Variants in ZBTB17 observed in about 807,000 individuals in gnomAD.
The protein encoded by ZBTB17 is zinc finger and BTB domain-containing protein 17.
ZBTB17 carries 24 observed loss-of-function variants against 85.1 expected under a neutral mutation model. The observed-to-expected ratio is 0.28, with a 90% CI of 0.20 to 0.40. The LOEUF is 0.40. Ranked by LOEUF, ZBTB17 falls within the 10% of genes least tolerant of loss-of-function variation. ZBTB17 has a pLI of 1.00. For missense variants in ZBTB17, 743 were observed against 1,105.1 expected, an observed-to-expected ratio of 0.67 and a Z score of 4.65; for synonymous variants, 464 against 460.2, an observed-to-expected ratio of 1.01 and a Z score of -0.11.
At chr1:15,944,213 G>A (rs897243285) in intron 9 of ZBTB17, 87 bp downstream of exon 9, 5 of 1,506,674 alleles carry the variant, frequency 3.3e-6, no homozygotes, top group Non-Finnish European at 3.6e-6. Context: ...CCGGGGCTGT[G>A]CTCCCCGCCC....
In ZBTB17 at chr1:15,945,126, C is replaced by A; in HGVS notation, c.738G>T (p.Gly246=). The change falls in exon 7 of 16, where the codon GGG becomes GGT. Residue 246 remains glycine, a synonymous_variant. Transcript: ENST00000375743. ...AACCCTCCTCCTTGACCTCAGCTGGCCCTGCGCCCTCCTCCTCTTGCTCCT... is the reference window on the plus strand; with the variant it reads ...AACCCTCCTCCTTGACCTCAGCTGGACCTGCGCCCTCCTCCTCTTGCTCCT... ...EQEEQEEEGA[G]PAEVKEEGSQ... 1.2e-6 allele frequency: 2 copies of A among 1,603,876 alleles called. No homozygotes were observed. Among genetic ancestry groups the A allele is most frequent in the Non-Finnish European group, 1.7e-6 (2 of 1,175,362 alleles).
chr1:15,969,568 T>G (rs1570211621), intron 2 of ZBTB17: 2 of 379,630 alleles, frequency 5.3e-6, no homozygotes, highest in Non-Finnish European at 1.0e-5. Context: ...GCTCATGGGG[T>G]GGGAAGTGTG....
At chr1:15,970,046 A>G (rs998160303) in intron 2 of ZBTB17, 33 of 716,198 alleles carry the variant, frequency 4.6e-5, no homozygotes, top group Non-Finnish European at 1.2e-5. Flanking sequence ...GGCTGCCGTC[A>G]TATTTCCAAT....
At chr1:15,949,309 G>A (rs1446199704) in intron 2 of ZBTB17, among the ~76,000 whole-genome samples, 2 of 152,194 alleles carry the variant, frequency 1.3e-5, no homozygotes, top group East Asian at 1.9e-4. Flanking sequence ...CGCACAAGCC[G>A]TGACTAAGTA....
At chr1:15,962,894 T>A (rs1174505799) in intron 2 of ZBTB17, among the ~76,000 whole-genome samples, 1 of 152,026 alleles carries the variant, frequency 6.6e-6, no homozygotes, top group Non-Finnish European at 1.5e-5. Flanking sequence ...TGAGCTTTGA[T>A]TGCACCTATG....
chr1:15,972,545 A>C (rs1256574755), intron 2 of ZBTB17, among the ~76,000 whole-genome samples: 1 of 152,190 alleles, frequency 6.6e-6, no homozygotes, highest in Non-Finnish European at 1.5e-5. Context: ...TAGAACTTTA[A>C]AAGGAATGAG....
In ZBTB17 at chr1:15,945,076, G is replaced by A. The variant is rs748936010; in HGVS notation, c.788C>T (p.Pro263Leu). Residue 263 changes from proline (P) to leucine (L), a missense_variant, in exon 7 of 16, where the codon CCC becomes CTC. Physicochemically the swap from Pro to Leu is moderately conservative, Grantham distance 98 (BLOSUM62 -3). Transcript: ENST00000375743. ...TGACTCCTCATTCTCGTTCTCCTCGGGGGCCTCTCCGTTCTCCAGCTGGGA... is the reference window on the plus strand; with the variant it reads ...TGACTCCTCATTCTCGTTCTCCTCGAGGGCCTCTCCGTTCTCCAGCTGGGA... Reference protein sequence around the residue: ...EGSQLENGEAPEENENEESAG... With the variant: ...EGSQLENGEALEENENEESAG... 2 of 1,611,772 alleles carry A rather than the reference G, an allele frequency of 1.2e-6. No homozygotes were observed. The highest frequency in any genetic ancestry group is 1.7e-6 in the Non-Finnish European group (2 of 1,179,288).
chr1:15,957,786 T>C (rs1281834788), intron 2 of ZBTB17, among the ~76,000 whole-genome samples: 1 of 152,116 alleles, frequency 6.6e-6, no homozygotes, highest in Non-Finnish European at 1.5e-5. Flanking sequence ...ATCAAGCAGA[T>C]GTGCGTTGTG....
At chr1:15,958,612 C>A (rs1410976118) in intron 2 of ZBTB17, among the ~76,000 whole-genome samples, 1 of 152,096 alleles carries the variant, frequency 6.6e-6, no homozygotes, top group African/African-American at 2.4e-5. Flanking sequence ...AAGTCCACTG[C>A]AAAGTGCCAG....
chr1:15,947,122 G>A lies in ZBTB17; in HGVS notation c.207C>T (p.Gly69=), dbSNP rs540097470. 2.5e-5 allele frequency: 40 copies of A among 1,608,252 alleles called. No individual in the cohort carries two copies. In the South Asian group the frequency reaches 4.3e-4, roughly 17 times the overall value. Residue 69 remains glycine, a splice_region_variant and synonymous_variant, in exon 4 of 16, where the codon GGC becomes GGT. Transcript: ENST00000375743. ...VVHLDISNAA[G]LGQVLEFMYT... is the part of the protein sequence containing the mutation. ...ACATAAACTCCAGCACCTGCCCCAGGCCTACCAAGGACAGGACAGCTGTCA... is the reference window on the plus strand; with the variant it reads ...ACATAAACTCCAGCACCTGCCCCAGACCTACCAAGGACAGGACAGCTGTCA...
intron 1 of ZBTB17, among the ~76,000 whole-genome samples, chr1:15,975,131 A>C (rs750183880): frequency 6.6e-5 from 10 of 152,184 alleles, no homozygotes; most frequent in Non-Finnish European, 1.2e-4. Flanking sequence ...ATTTACCTGT[A>C]TGTCTCCCAC....
intron 2 of ZBTB17, among the ~76,000 whole-genome samples, chr1:15,968,157 G>T (rs543758034): frequency 6.6e-6 from 1 of 152,264 alleles, no homozygotes; most frequent in East Asian, 1.9e-4. Flanking sequence ...AAAAGACAGA[G>T]AAACCATCTT....
chr1:15,942,159 G>A lies in ZBTB17; in HGVS notation c.2222C>T (p.Ala741Val). 1 of 1,613,682 alleles carries A rather than the reference G, an allele frequency of 6.2e-7. No individual in the cohort carries two copies. Among genetic ancestry groups the A allele is most frequent in the Non-Finnish European group, 8.5e-7 (1 of 1,180,040 alleles). Residue 741 changes from alanine to valine, a missense_variant, in exon 16 of 16, where the codon GCC (alanine) becomes GTC (valine). By Grantham distance (64) the Ala-to-Val change is moderately conservative. This residue lies in a region of ZBTB17 where 321 missense variants were observed against 615.7 expected (regional missense o/e 0.52). Transcript: ENST00000375743. ...SLAQHVRIHT[A>V]QALVMFQTDA... is the part of the protein sequence containing the mutation. ...TGTCTGGAACATGACCAGTGCCTGG[G>A]CTGTGTGGATTCGCACATGCTGAGC...
intron 2 of ZBTB17, among the ~76,000 whole-genome samples, chr1:15,955,396 T>A (rs1400671285): frequency 6.6e-6 from 1 of 152,170 alleles, no homozygotes; most frequent in Non-Finnish European, 1.5e-5. Flanking sequence ...CTCAAACTTT[T>A]AAAATCACTT....
intron 2 of ZBTB17, among the ~76,000 whole-genome samples, chr1:15,949,833 G>A (rs2071765047): frequency 6.6e-6 from 1 of 152,228 alleles, no homozygotes; most frequent in Non-Finnish European, 1.5e-5. Flanking sequence ...CCCACCACGT[G>A]ATGTCTGGAA....
At chr1:15,969,570 G>C in intron 2 of ZBTB17, 1 of 390,436 alleles carries the variant, frequency 2.6e-6, no homozygotes, top group Admixed American at 2.9e-5. Flanking sequence ...TCATGGGGTG[G>C]GAAGTGTGAG....
chr1:15,960,949 G>GA lies in ZBTB17; in HGVS notation c.-3+12089dup, dbSNP rs991273106. 3.3e-5 allele frequency among the ~76,000 whole-genome samples: 5 copies of GA among 151,012 alleles called. No homozygotes were observed. The Middle Eastern group carries it at 0.01, about 308-fold the overall frequency. On this transcript the variant is annotated intron_variant, in intron 2 of 15. Transcript: ENST00000375743. ...GCAACATGGTGAGACCCCATCTCCA[G>GA]AAAAAAATACAAAAATTAGCCAGGC... is the stretch of plus-strand genomic sequence containing the variant.
At position 15,946,158 on chromosome 1, in the gene ZBTB17, G is replaced by A; in HGVS notation, c.531C>T (p.Ala177=). ...GGTCCTTGGCATCTGACTCACCGCT[G>A]GCCGCACTCTGGGCCTGACCGCCGC... The part of the protein sequence containing the change: ...EERGGQAQSA[A]SGAEQTEKAD... The change falls in exon 5 of 16, where the codon GCC becomes GCT. Residue 177 remains alanine, a synonymous_variant. Coordinates refer to ENST00000375743, the MANE Select transcript of ZBTB17 (RefSeq NM_003443.3). The A allele has an allele frequency of 6.2e-7, 1 of 1,606,626 alleles. No individual in the cohort carries two copies. The highest frequency in any genetic ancestry group is 1.7e-5 in the Admixed American group (1 of 60,026).
intron 2 of ZBTB17, chr1:15,969,599 C>G (rs752877789): frequency 9.7e-6 from 4 of 410,340 alleles, no homozygotes; most frequent in Non-Finnish European, 1.9e-5. Flanking sequence ...CTGCCTGGGC[C>G]TCGGAGGGTG....
Sources: gnomAD v4.1 joint callset for allele counts (sites outside exome capture counted in the v4.1 genomes callset) on GRCh38, gnomAD v4.1.1 for gene constraint, gnomAD v4.1.1 regional missense constraint, MANE v1.5 for transcripts, NCBI Gene and HGNC (gene_info 2026-07-23, HGNC 2026-07-21) for gene names.